The following PADI4 variants were observed in gnomAD, a reference collection of about 807,000 sequenced individuals.
The protein encoded by PADI4 is protein-arginine deiminase type-4.
Under a neutral mutation model 75.0 loss-of-function variants are expected in PADI4, and 62 were observed. That is an observed-to-expected ratio of 0.83 (90% CI 0.67 to 1.02). The LOEUF is 1.02. Among genes scored for constraint, PADI4 ranks in the 50% least tolerant of loss-of-function variants. The pLI, the probability that PADI4 is intolerant of heterozygous loss-of-function variation, is 0.00. For synonymous variants in PADI4, 361 were observed against 348.1 expected (o/e 1.04, Z -0.41); for missense variants, 845 against 850.5 (o/e 0.99, Z 0.08).
chr1:17,359,527 G>C, intron 15 of PADI4, 119 bp downstream of exon 15: 1 of 1,387,180 alleles, frequency 7.2e-7, no homozygotes, highest in South Asian at 1.3e-5. Context: ...ACCGTTTGTA[G>C]CTTTGTCCTG....
rs537595332 is a variant in PADI4, at chr1:17,323,136, C to T, written c.93-7833C>T. 2.0e-5 allele frequency among the ~76,000 whole-genome samples: 3 copies of T among 152,330 alleles called. No homozygotes were observed. The South Asian group carries it at 6.2e-4, about 32-fold the overall frequency. The stretch of plus-strand genomic sequence containing the variant: ...AGGGCCTTGCAGGGTGTTGGAACCT[C>T]AGTTCCTCCCTGGCTGTTGGCTGGA... On this transcript the variant is annotated intron_variant, in intron 1 of 15. Transcript: ENST00000375448.
At chr1:17,349,741 C>CAAA (rs548756900) in intron 10 of PADI4, among the ~76,000 whole-genome samples, 1 of 110,136 alleles carries the variant, frequency 9.1e-6, no homozygotes, top group Non-Finnish European at 2.0e-5. Flanking sequence ...AAAACAACAA[C>CAAA]AAAAAACACC....
intron 1 of PADI4, among the ~76,000 whole-genome samples, chr1:17,318,174 A>G (rs895899043): frequency 6.6e-6 from 1 of 152,246 alleles, no homozygotes; most frequent in Non-Finnish European, 1.5e-5. Context: ...ATTGGTCTTT[A>G]GGAAGTGCTG....
chr1:17,319,746 C>A (rs1181191431), intron 1 of PADI4, among the ~76,000 whole-genome samples: 1 of 152,132 alleles, frequency 6.6e-6, no homozygotes, highest in Admixed American at 6.5e-5. Context: ...ACCCACAGAG[C>A]ACGGAAGCGA....
At chr1:17,318,085 G>T (rs188118270) in intron 1 of PADI4, among the ~76,000 whole-genome samples, 1 of 152,318 alleles carries the variant, frequency 6.6e-6, no homozygotes, top group Non-Finnish European at 1.5e-5. Context: ...AAGTCTGAGT[G>T]GAGCCCCAGA....
chr1:17,331,317 C>T (rs531841011), intron 2 of PADI4, among the ~76,000 whole-genome samples, 168 bp downstream of exon 2: 16 of 152,166 alleles, frequency 1.1e-4, no homozygotes, highest in African/African-American at 2.4e-4. Flanking sequence ...CAATAATATA[C>T]GGCTACCAGG....
intron 14 of PADI4, 136 bp downstream of exon 14, chr1:17,359,044 A>G: frequency 1.4e-6 from 1 of 701,336 alleles, no homozygotes; most frequent in Non-Finnish European, 2.5e-6. Flanking sequence ...AAGCAAGGGC[A>G]GAAGCAAAGA....
At chr1:17,351,634 A>T (rs2074625751) in intron 10 of PADI4, among the ~76,000 whole-genome samples, 1 of 141,742 alleles carries the variant, frequency 7.1e-6, no homozygotes. Context: ...AAAAAAAAAG[A>T]TTGCGTTCTT....
In PADI4 at chr1:17,308,320, AG is replaced by A. The variant is rs1387328000; in HGVS notation, c.92+12del. On this transcript the variant is annotated splice_region_variant and intron_variant, in intron 1 of 15. Transcript: ENST00000375448. The stretch of plus-strand genomic sequence containing the variant: ...ACTCAGCTTGACATCTGCAGGTAAG[AG>A]GGGGGCCTTCTGGGGTTTTGGAGGC... 1.9e-6 allele frequency: 3 copies of A among 1,611,314 alleles called. No homozygotes were observed. Among genetic ancestry groups the A allele is most frequent in the Non-Finnish European group, 1.7e-6 (2 of 1,177,672 alleles).
At chr1:17,337,151 G>GTATTTATGTATT (rs1553146289) in intron 4 of PADI4, among the ~76,000 whole-genome samples, 4 of 142,380 alleles carry the variant, frequency 2.8e-5, no homozygotes, top group South Asian at 2.2e-4. Context: ...ATGTATTTAT[G>GTATTTATGTATT]TATTTATTTA....
intron 15 of PADI4, among the ~76,000 whole-genome samples, chr1:17,360,305 A>G (rs1382270627): frequency 6.6e-6 from 1 of 151,978 alleles, no homozygotes; most frequent in Non-Finnish European, 1.5e-5. Context: ...AAAAAAAAAA[A>G]AAAGACAGTC....
In PADI4 at chr1:17,351,642, C is replaced by G. The variant is rs1040381687; in HGVS notation, c.1156-2891C>G. Among the ~76,000 whole-genome samples, 15 of 143,770 alleles carry G rather than the reference C, an allele frequency of 1.0e-4. 1 individual carries two copies. The Admixed American group carries it at 1.0e-3, about 10-fold the overall frequency. 94.3% of individuals were successfully genotyped at this position (143,770 alleles called of 152,430 possible). A position where few individuals can be genotyped will look rare whatever the true frequency, so the allele number is the denominator to read the frequency against. The stretch of plus-strand genomic sequence containing the variant: ...AAAAAAAAAAAAAAAAGATTGCGTT[C>G]TTAAATAGGATGGTCAGGGTGGGCT... On this transcript the variant is annotated intron_variant, in intron 10 of 15. Transcript: ENST00000375448.
intron 3 of PADI4, 29 bp from the exon 4 acceptor site, chr1:17,336,121 CCCTCACCAA>C: frequency 6.7e-7 from 1 of 1,497,778 alleles, no homozygotes; most frequent in Non-Finnish European, 9.3e-7. Flanking sequence ...CAACCCCGGA[CCCTCACCAA>C]CCTCTCCTCT....
intron 1 of PADI4, among the ~76,000 whole-genome samples, chr1:17,314,605 C>T (rs765416213): frequency 1.3e-5 from 2 of 152,300 alleles, no homozygotes; most frequent in South Asian, 4.1e-4. Context: ...AGCAGGTCGA[C>T]GTGATTCCCA....
chr1:17,313,973 C>T (rs992254543), intron 1 of PADI4, among the ~76,000 whole-genome samples: 1 of 152,200 alleles, frequency 6.6e-6, no homozygotes, highest in Non-Finnish European at 1.5e-5. Flanking sequence ...GAAGCACACT[C>T]ATCTTAGAAT....
chr1:17,359,514 G>A (rs1248246773), intron 15 of PADI4, 106 bp downstream of exon 15: 3 of 1,462,492 alleles, frequency 2.1e-6, no homozygotes, highest in Non-Finnish European at 2.8e-6. Flanking sequence ...GCTCCTCTCT[G>A]TAACCGTTTG....
chr1:17,359,257 A>ACTGCCC, intron 14 of PADI4, 23 bp from the exon 15 acceptor site: 1 of 1,008,048 alleles, frequency 9.9e-7, no homozygotes, highest in South Asian at 2.6e-5. Flanking sequence ...TCCCCCACTC[A>ACTGCCC]CTGCCCCTGC....
At chr1:17,325,608 A>T in intron 1 of PADI4, among the ~76,000 whole-genome samples, 2 of 149,584 alleles carry the variant, frequency 1.3e-5, no homozygotes, top group African/African-American at 2.5e-5. Context: ...CTTACTTTTC[A>T]CTCTTTATAT....
intron 10 of PADI4, among the ~76,000 whole-genome samples, chr1:17,351,352 A>G (rs933897097): frequency 5.4e-4 from 82 of 151,512 alleles, no homozygotes; most frequent in African/African-American, 1.8e-3. Context: ...GCACTTCGGG[A>G]GGCCAAGGCT....
Sources: allele counts gnomAD v4.1 joint callset (sites outside exome capture counted in the v4.1 genomes callset), GRCh38; gene constraint gnomAD v4.1.1; transcripts MANE v1.5; gene names NCBI Gene and HGNC (gene_info 2026-07-23, HGNC 2026-07-21).